The following RB1CC1 variants were observed in gnomAD, a reference collection of about 807,000 sequenced individuals.
The protein encoded by RB1CC1 is RB1 inducible coiled-coil 1.
Under a neutral mutation model 177.5 loss-of-function variants are expected in RB1CC1, and 46 were observed. The ratio of observed to expected loss-of-function variants is 0.26; its 90% CI spans 0.20 to 0.33. The LOEUF (loss-of-function observed/expected upper bound fraction) is 0.33. RB1CC1 is among the 10% of genes least tolerant of loss of function. RB1CC1 has a pLI of 1.00. For missense variants in RB1CC1, 1,703 were observed against 1,816.3 expected (o/e 0.94, Z 1.13); for synonymous variants, 666 against 613.6 (o/e 1.09, Z -1.26).
At chr8:52,709,010 C>G (rs1309020162) in intron 1 of RB1CC1, among the ~76,000 whole-genome samples, 1 of 152,064 alleles carries the variant, frequency 6.6e-6, no homozygotes, top group Admixed American at 6.5e-5. Flanking sequence ...GAGTTTGAGA[C>G]CAGCCTGACC....
At chr8:52,680,424 A>C (rs1288026830) in intron 5 of RB1CC1, among the ~76,000 whole-genome samples, 1 of 152,212 alleles carries the variant, frequency 6.6e-6, no homozygotes, top group African/African-American at 2.4e-5. Flanking sequence ...AATGATAGCT[A>C]ATATATGGAA....
intron 15 of RB1CC1, among the ~76,000 whole-genome samples, chr8:52,650,671 A>G (rs1850492868): frequency 1.3e-5 from 2 of 152,242 alleles, no homozygotes; most frequent in African/African-American, 4.8e-5. Flanking sequence ...TAAAACATGG[A>G]AACTGAGATT....
chr8:52,712,180 A>G (rs1334328336), intron 1 of RB1CC1, among the ~76,000 whole-genome samples: 1 of 152,246 alleles, frequency 6.6e-6, no homozygotes, highest in Non-Finnish European at 1.5e-5. Context: ...CAGTATTACT[A>G]CAAAAGAAAA....
At chr8:52,664,050 T>G (rs184485375) in intron 8 of RB1CC1, among the ~76,000 whole-genome samples, 2 of 152,196 alleles carry the variant, frequency 1.3e-5, no homozygotes, top group African/African-American at 4.8e-5. Context: ...TCAGGAAAGT[T>G]TGGCTGAGGA....
At chr8:52,671,412 A>G (rs997764094) in intron 7 of RB1CC1, among the ~76,000 whole-genome samples, 2 of 152,218 alleles carry the variant, frequency 1.3e-5, no homozygotes, top group Admixed American at 1.3e-4. Flanking sequence ...CTGCGATCAG[A>G]TATCAGGTAG....
At position 52,656,199 on chromosome 8, in the gene RB1CC1, C is replaced by T. The variant is rs770233935; in HGVS notation, c.3630G>A (p.Gln1210=). 76 of 1,613,584 alleles carry T rather than the reference C, an allele frequency of 4.7e-5. 1 individual carries two copies. In the South Asian group the frequency reaches 7.5e-4, roughly 16 times the overall value. ...ATTTTTGTCTGTCTTTCTCAAGGTT[C>T]TGGATAATAGCTTCGTATTTCTCTT... ...QQEEKYEAII[Q]NLEKDRQKLV... is the part of the protein sequence containing the mutation. Residue 1210 remains glutamine, a synonymous_variant, in exon 15 of 24, where the codon CAG becomes CAA. Transcript: ENST00000025008.
intron 22 of RB1CC1, among the ~76,000 whole-genome samples, chr8:52,627,230 C>CCAG (rs1457564110): frequency 6.6e-6 from 1 of 152,100 alleles, no homozygotes; most frequent in Non-Finnish European, 1.5e-5. Flanking sequence ...GCCTGTAATT[C>CCAG]CAGCTACTCG....
At chr8:52,646,151 G>C (rs1850005452) in intron 15 of RB1CC1, among the ~76,000 whole-genome samples, 1 of 152,142 alleles carries the variant, frequency 6.6e-6, no homozygotes, top group African/African-American at 2.4e-5. Context: ...AGGCTGCTCT[G>C]CCCATGGAGT....
chr8:52,712,018 G>A (rs1323316322), intron 1 of RB1CC1, among the ~76,000 whole-genome samples: 1 of 152,108 alleles, frequency 6.6e-6, no homozygotes, highest in African/African-American at 2.4e-5. Flanking sequence ...TGGCCAACAT[G>A]GTAAAACCCC....
intron 5 of RB1CC1, among the ~76,000 whole-genome samples, chr8:52,677,358 C>T (rs1853224507): frequency 2.0e-5 from 3 of 151,992 alleles, no homozygotes; most frequent in Non-Finnish European, 4.4e-5. Context: ...GAGTGGAACA[C>T]GAAGTGGCAA....
intron 18 of RB1CC1, among the ~76,000 whole-genome samples, chr8:52,638,972 G>A (rs1205100766): frequency 2.0e-5 from 3 of 152,044 alleles, no homozygotes; most frequent in Non-Finnish European, 4.4e-5. Flanking sequence ...TACTATCTAT[G>A]TAGTTTAAGA....
chr8:52,634,574 T>C (rs906031100), intron 20 of RB1CC1, among the ~76,000 whole-genome samples: 1 of 151,820 alleles, frequency 6.6e-6, no homozygotes. Context: ...CACTTGTGAG[T>C]AAATATATTA....
At chr8:52,635,244 A>C (rs988277108) in intron 19 of RB1CC1, among the ~76,000 whole-genome samples, 1 of 152,222 alleles carries the variant, frequency 6.6e-6, no homozygotes, top group Admixed American at 6.5e-5. Context: ...TAAAAATCTG[A>C]GATCTATCCC....
intron 15 of RB1CC1, among the ~76,000 whole-genome samples, chr8:52,651,554 A>T (rs890866172): frequency 6.6e-6 from 1 of 152,254 alleles, no homozygotes; most frequent in Admixed American, 6.5e-5. Context: ...GGACAAGTGA[A>T]GTCAGAACTG....
intron 6 of RB1CC1, among the ~76,000 whole-genome samples, chr8:52,674,792 T>C (rs1404894368): frequency 1.3e-5 from 2 of 150,862 alleles, no homozygotes; most frequent in Admixed American, 1.3e-4. Flanking sequence ...AAAAACACTC[T>C]AAAGTAAAGT....
rs766946770 is a variant in RB1CC1, at chr8:52,658,093, G to A, written c.1825C>T (p.His609Tyr). ...VPLLCDFEPL[H>Y]QHVLALHNLV... ...TTATGTAGAGCAAGTACATGCTGGTGTAGAGGTTCAAAGTCACAAAGTAAG... is the reference window on the plus strand; with the variant it reads ...TTATGTAGAGCAAGTACATGCTGGTATAGAGGTTCAAAGTCACAAAGTAAG... The change falls in exon 14 of 24, where the codon CAC (histidine) becomes TAC (tyrosine). Residue 609 changes from histidine to tyrosine, a missense_variant. By Grantham distance (83) the His-to-Tyr change is moderately conservative. Around this residue, in one of 6 missense-constraint regions of RB1CC1, gnomAD observed 1,169 missense variants for 1,184.7 expected, o/e 0.99. Transcript: ENST00000025008. The A allele has an allele frequency of 7.4e-6, 12 of 1,613,572 alleles. No homozygotes were observed. Among genetic ancestry groups the A allele is most frequent in the African/African-American group, 4.0e-5 (3 of 74,930 alleles).
At chr8:52,676,117 GT>G (rs1378903546) in intron 6 of RB1CC1, among the ~76,000 whole-genome samples, 1 of 152,130 alleles carries the variant, frequency 6.6e-6, no homozygotes, top group African/African-American at 2.4e-5. Flanking sequence ...GATTTCAAAA[GT>G]ATTTGGAGCC....
At chr8:52,650,719 A>G (rs1850498143) in intron 15 of RB1CC1, among the ~76,000 whole-genome samples, 7 of 152,236 alleles carry the variant, frequency 4.6e-5, no homozygotes, top group Non-Finnish European at 1.0e-4. Flanking sequence ...CCTCAGTGCC[A>G]GTGCAAAATA....
chr8:52,636,073 A>G lies in RB1CC1; in HGVS notation c.4338-4T>C. ...AGACAACATATGAATATTTTCTCTAAAAGTGAGAATAATTGAGTTTCAGTT... is the reference window on the plus strand; with the variant it reads ...AGACAACATATGAATATTTTCTCTAGAAGTGAGAATAATTGAGTTTCAGTT... On this transcript the variant is annotated splice_region_variant and splice_polypyrimidine_tract_variant and intron_variant, in intron 18 of 23. Coordinates refer to ENST00000025008, the MANE Select transcript of RB1CC1 (RefSeq NM_014781.5). The G allele has an allele frequency of 1.2e-6, 2 of 1,601,594 alleles. No homozygotes were observed. Among genetic ancestry groups the G allele is most frequent in the Non-Finnish European group, 1.7e-6 (2 of 1,176,438 alleles).
Sources: gnomAD v4.1 joint callset for allele counts (sites outside exome capture counted in the v4.1 genomes callset) on GRCh38, gnomAD v4.1.1 for gene constraint, gnomAD v4.1.1 regional missense constraint, MANE v1.5 for transcripts, NCBI Gene and HGNC (gene_info 2026-07-23, HGNC 2026-07-21) for gene names.